The following PDE3A variants were observed in gnomAD, a reference collection of about 807,000 sequenced individuals.
PDE3A encodes phosphodiesterase 3A.
PDE3A carries 43 observed loss-of-function variants against 98.3 expected under a neutral mutation model. The ratio of observed to expected loss-of-function variants is 0.44; its 90% CI spans 0.34 to 0.56. The LOEUF (loss-of-function observed/expected upper bound fraction) is 0.56. Among genes scored for constraint, PDE3A ranks in the 20% least tolerant of loss-of-function variants. The pLI, the probability that PDE3A is intolerant of heterozygous loss-of-function variation, is 0.01. For missense variants in PDE3A, 1,427 were observed against 1,440.7 expected (o/e 0.99, Z 0.15); for synonymous variants, 663 against 567.9 (o/e 1.17, Z -2.38).
chr12:20,511,058 A>G (rs1946211605), intron 1 of PDE3A, among the ~76,000 whole-genome samples: 1 of 152,058 alleles, frequency 6.6e-6, no homozygotes, highest in Non-Finnish European at 1.5e-5. Flanking sequence ...CAACTAAGTC[A>G]CCACTGAGTC....
intron 1 of PDE3A, among the ~76,000 whole-genome samples, chr12:20,455,295 T>C (rs1945135679): frequency 6.6e-6 from 1 of 152,214 alleles, no homozygotes. Context: ...TTTGCCCACT[T>C]TTTAATGGAG....
chr12:20,555,770 G>A (rs567905210), intron 1 of PDE3A, among the ~76,000 whole-genome samples: 1 of 152,158 alleles, frequency 6.6e-6, no homozygotes, highest in South Asian at 2.1e-4. Context: ...TCTGTATATG[G>A]TTATCAAACA....
rs573057469 is a variant in PDE3A at position 20,598,872 on chromosome 12, T to C, written c.1012-14571T>C. Among the ~76,000 whole-genome samples, 13 of 152,338 alleles carry C rather than the reference T, an allele frequency of 8.5e-5. No individual in the cohort carries two copies. In the East Asian group the frequency reaches 2.3e-3, roughly 27 times the overall value. ...GGGACATTCATGCTGTGAATGGCCT[T>C]GTTTCCCATGTTTATTGTTGTGGCA... On this transcript the variant is annotated intron_variant, in intron 2 of 15. Transcript: ENST00000359062.
Position 20,613,511 on chromosome 12 carries a change from C to T in PDE3A, c.1080C>T (p.Leu360=), listed in dbSNP as rs1943919937. ...AGGCCCACGGCCTCATTACCGACCT[C>T]CTGGCAGACCCTTCTCTTCCACCAA... ...MGEAHGLITD[L]LADPSLPPNV... is the part of the protein sequence containing the mutation. The change falls in exon 3 of 16, where the codon CTC becomes CTT. Residue 360 remains leucine, a synonymous_variant. Transcript: ENST00000359062. The T allele has an allele frequency of 1.2e-6, 2 of 1,614,138 alleles. No individual in the cohort carries two copies. Among genetic ancestry groups the T allele is most frequent in the South Asian group, 1.1e-5 (1 of 91,086 alleles).
At chr12:20,384,623 A>G (rs1262574252) in intron 1 of PDE3A, among the ~76,000 whole-genome samples, 1 of 151,876 alleles carries the variant, frequency 6.6e-6, no homozygotes, top group African/African-American at 2.4e-5. Flanking sequence ...TGCATCTATC[A>G]ACCTGTCACC....
chr12:20,659,272 G>A (rs1191708023), intron 15 of PDE3A, among the ~76,000 whole-genome samples: 3 of 151,786 alleles, frequency 2.0e-5, no homozygotes, highest in South Asian at 2.1e-4. Context: ...ATAATTTAAT[G>A]TCCTTTTTAT....
At chr12:20,403,225 G>A (rs568534577) in intron 1 of PDE3A, among the ~76,000 whole-genome samples, 11 of 152,288 alleles carry the variant, frequency 7.2e-5, no homozygotes, top group South Asian at 6.2e-4. Context: ...CAATTAAAAT[G>A]TTTGGAGATA....
intron 1 of PDE3A, among the ~76,000 whole-genome samples, chr12:20,496,999 T>C (rs1039505539): frequency 6.6e-6 from 1 of 152,164 alleles, no homozygotes; most frequent in African/African-American, 2.4e-5. Context: ...TGCTGTAGTA[T>C]CTCAAAGTTT....
intron 1 of PDE3A, among the ~76,000 whole-genome samples, chr12:20,488,230 CT>C (rs1386631572): frequency 6.6e-6 from 1 of 152,088 alleles, no homozygotes; most frequent in African/African-American, 2.4e-5. Context: ...CCAATCTCCC[CT>C]TATGCCTCCA....
At chr12:20,652,620 G>GT (rs1944947683) in intron 14 of PDE3A, among the ~76,000 whole-genome samples, 1 of 151,974 alleles carries the variant, frequency 6.6e-6, no homozygotes, top group Non-Finnish European at 1.5e-5. Flanking sequence ...GGGGTTGTTT[G>GT]TTTTTTTCTT....
intron 1 of PDE3A, among the ~76,000 whole-genome samples, chr12:20,513,208 C>T (rs1431650387): frequency 1.3e-5 from 2 of 151,866 alleles, no homozygotes; most frequent in African/African-American, 2.4e-5. Context: ...TATAGTCATT[C>T]GATGCATATA....
At chr12:20,600,112 G>T (rs930155957) in intron 2 of PDE3A, among the ~76,000 whole-genome samples, 1 of 152,006 alleles carries the variant, frequency 6.6e-6, no homozygotes. Flanking sequence ...ATTGATTATG[G>T]CTCTAGCCTC....
chr12:20,442,850 C>T (rs962901706), intron 1 of PDE3A, among the ~76,000 whole-genome samples: 2 of 152,062 alleles, frequency 1.3e-5, no homozygotes, highest in African/African-American at 4.8e-5. Context: ...ATGGCCATGG[C>T]ACAAAAATGT....
intron 5 of PDE3A, among the ~76,000 whole-genome samples, chr12:20,625,011 G>A (rs4369460): frequency 0.98 from 149,505 of 152,274 alleles, 73,449 homozygotes; most frequent in East Asian, 1. Context: ...TGAGGCGGAG[G>A]GAAAGCGAGT....
At chr12:20,512,561 G>C (rs1946247422) in intron 1 of PDE3A, among the ~76,000 whole-genome samples, 1 of 151,986 alleles carries the variant, frequency 6.6e-6, no homozygotes, top group Non-Finnish European at 1.5e-5. Context: ...TTATTGCTTG[G>C]GGTTTAGGAA....
intron 1 of PDE3A, among the ~76,000 whole-genome samples, chr12:20,420,826 C>T (rs1270293536): frequency 6.6e-6 from 1 of 152,076 alleles, no homozygotes; most frequent in African/African-American, 2.4e-5. Context: ...TATCAGATTA[C>T]ACATAAGTTA....
rs1432801633 is a variant in PDE3A at position 20,682,445 on chromosome 12, A to T, written c.*2174A>T. On this transcript the variant is annotated 3_prime_UTR_variant, in exon 16 of 16. Transcript: ENST00000359062. ...ACAATAATTCATGGCATTTTAAAAA[A>T]TAAGGCAAAGATAATACGACAAAAA... 4 of 152,226 alleles carry T rather than the reference A, an allele frequency of 2.6e-5. No homozygotes were observed. The highest frequency in any genetic ancestry group is 5.9e-5 in the Non-Finnish European group (4 of 68,038). The allele number at this position is 152,226 out of a possible 1,614,324, so 9.4% of individuals were successfully genotyped here.
chr12:20,551,941 G>A, intron 1 of PDE3A: 2 of 1,613,170 alleles, frequency 1.2e-6, no homozygotes, highest in South Asian at 1.1e-5. Flanking sequence ...CCAGGTCAGC[G>A]AGTCGGGTGT....
Position 20,616,391 on chromosome 12 carries a change from T to C in PDE3A, c.1424+7T>C. 6.2e-7 allele frequency: 1 copy of C among 1,612,210 alleles called. No individual in the cohort carries two copies. ...AGGAAGCACCTTCATCCAGGTGGCA[T>C]ACGGCTCCTGCTGGTTTAATGTCTC... On this transcript the variant is annotated splice_region_variant and intron_variant, in intron 4 of 15. Transcript: ENST00000359062.
Sources: gnomAD v4.1 joint callset for allele counts (sites outside exome capture counted in the v4.1 genomes callset) on GRCh38, gnomAD v4.1.1 for gene constraint, MANE v1.5 for transcripts, NCBI Gene and HGNC (gene_info 2026-07-23, HGNC 2026-07-21) for gene names.